The following STT3A variants were observed in gnomAD, a reference collection of about 807,000 sequenced individuals.
STT3A encodes the protein dolichyl-diphosphooligosaccharide--protein glycosyltransferase subunit STT3A.
STT3A carries 34 observed loss-of-function variants against 89.2 expected under a neutral mutation model. The ratio of observed to expected loss-of-function variants is 0.38; its 90% CI spans 0.29 to 0.51. The LOEUF is 0.51. STT3A is among the 20% of genes least tolerant of loss of function. STT3A has a pLI of 0.89. For missense variants in STT3A, 555 were observed against 889.5 expected, an observed-to-expected ratio of 0.62 and a Z score of 4.78; for synonymous variants, 282 against 310.3, an observed-to-expected ratio of 0.91 and a Z score of 0.96.
At chr11:125,607,074 T>G (rs372258122) in intron 8 of STT3A, among the ~76,000 whole-genome samples, 1 of 152,204 alleles carries the variant, frequency 6.6e-6, no homozygotes, top group Non-Finnish European at 1.5e-5. Flanking sequence ...GTGATCTGCA[T>G]TGAGTAGAAA....
chr11:125,610,486 A>G (rs1383314534), intron 10 of STT3A, among the ~76,000 whole-genome samples: 1 of 152,170 alleles, frequency 6.6e-6, no homozygotes, highest in African/African-American at 2.4e-5. Flanking sequence ...TAGGAGGCTG[A>G]GGTGAGAAGA....
chr11:125,604,620 T>TA (rs1251806952), intron 6 of STT3A, among the ~76,000 whole-genome samples: 2 of 152,232 alleles, frequency 1.3e-5, no homozygotes, highest in Non-Finnish European at 2.9e-5. Flanking sequence ...AACATAGTAT[T>TA]AAGTGTTAGG....
In STT3A at chr11:125,620,946, T is replaced by G; in HGVS notation, c.*136T>G. ...TGGCATCAGAATTGTCTGGAAGTTT[T>G]GTCTTGGGCAGTATGGGCTGGGCCA... is the stretch of plus-strand genomic sequence containing the variant. On this transcript the variant is annotated 3_prime_UTR_variant, in exon 18 of 18. Transcript: ENST00000392708. 1.4e-6 allele frequency: 1 copy of G among 704,666 alleles called. No individual in the cohort carries two copies. Among genetic ancestry groups the G allele is most frequent in the Non-Finnish European group, 2.3e-6 (1 of 439,632 alleles). The allele number at this position is 704,666 out of a possible 1,614,324, so 43.7% of individuals were successfully genotyped here. A position where few individuals can be genotyped will look rare whatever the true frequency, so the allele number is the denominator to read the frequency against.
intron 16 of STT3A, among the ~76,000 whole-genome samples, chr11:125,619,553 C>T (rs1210736396): frequency 3.9e-5 from 6 of 152,132 alleles, no homozygotes; most frequent in Non-Finnish European, 5.9e-5. Flanking sequence ...AGTGACTTTT[C>T]GTATCTTCTG....
intron 2 of STT3A, among the ~76,000 whole-genome samples, chr11:125,596,324 G>A (rs1411551158): frequency 2.0e-5 from 3 of 152,278 alleles, no homozygotes; most frequent in South Asian, 2.1e-4. Context: ...AACTAGTTGA[G>A]TGTGGTGGTG....
intron 11 of STT3A, 147 bp from the exon 12 acceptor site, chr11:125,612,445 C>A: frequency 1.2e-6 from 1 of 821,454 alleles, no homozygotes; most frequent in South Asian, 2.1e-5. Context: ...ACTAATACTG[C>A]AACTGTTTCA....
At position 125,602,442 on chromosome 11, in the gene STT3A, GTTT is replaced by G; in HGVS notation, c.271+27_271+29del. The G allele has an allele frequency of 1.6e-6, 2 of 1,267,878 alleles. No homozygotes were observed. Among genetic ancestry groups the G allele is most frequent in the Middle Eastern group, 2.0e-4 (1 of 4,940 alleles). The allele number at this position is 1,267,878 out of a possible 1,614,324, so 78.5% of individuals were successfully genotyped here. On this transcript the variant is annotated intron_variant, in intron 4 of 17. Coordinates refer to ENST00000392708, the MANE Select transcript of STT3A (RefSeq NM_152713.5). The stretch of plus-strand genomic sequence containing the variant: ...TTACCCAGGTGAGGAGACCAGATGT[GTTT>G]TTTTTTTTAAAAAAAAAACAGAAAT...
intron 8 of STT3A, among the ~76,000 whole-genome samples, 195 bp downstream of exon 8, chr11:125,606,660 G>A (rs1458998311): frequency 2.0e-5 from 3 of 152,180 alleles, no homozygotes; most frequent in African/African-American, 7.2e-5. Context: ...TATTTGCTCC[G>A]TGGAGTTTGA....
intron 9 of STT3A, 61 bp downstream of exon 9, chr11:125,608,350 T>C: frequency 6.6e-7 from 1 of 1,513,380 alleles, no homozygotes; most frequent in Non-Finnish European, 8.8e-7. Flanking sequence ...GTTTCGCTCT[T>C]GTTGCCCAGG....
At chr11:125,602,247 A>G (rs1318102177) in intron 3 of STT3A, 56 bp from the exon 4 acceptor site, 1 of 1,599,680 alleles carries the variant, frequency 6.3e-7, no homozygotes, top group Non-Finnish European at 8.5e-7. Flanking sequence ...TCAATGGTGT[A>G]TCCTGAGGAG....
chr11:125,618,263 G>A (rs1043005568), intron 15 of STT3A, 110 bp from the exon 16 acceptor site: 1 of 1,008,060 alleles, frequency 9.9e-7, no homozygotes, highest in Non-Finnish European at 1.4e-6. Context: ...AGAGTTAAAT[G>A]ATACCAATCC....
chr11:125,619,046 G>GTTTTGT (rs1467352687), intron 16 of STT3A, among the ~76,000 whole-genome samples: 5 of 150,344 alleles, frequency 3.3e-5, no homozygotes, highest in Admixed American at 2.6e-4. Context: ...TGTTATTTTT[G>GTTTTGT]TTTTGTTTTG....
At chr11:125,609,748 C>G in intron 10 of STT3A, 159 bp downstream of exon 10, 1 of 692,688 alleles carries the variant, frequency 1.4e-6, no homozygotes, top group South Asian at 2.9e-5. Flanking sequence ...TGAAGCTGAG[C>G]AGAAGTCAGA....
Position 125,620,869 on chromosome 11 carries a change from GATTTTTTTT to G in STT3A, c.*60_*68del. Reference sequence around the variant, plus strand: ...AGCACATCACATTTAGGACGTTGAAGATTTTTTTTTTTTTTTTTTTTTAATATGCAGTTT... The same window carrying G: ...AGCACATCACATTTAGGACGTTGAAGTTTTTTTTTTTTTAATATGCAGTTT... On this transcript the variant is annotated 3_prime_UTR_variant, in exon 18 of 18. Transcript: ENST00000392708. The G allele has an allele frequency of 3.6e-6, 3 of 841,900 alleles. No individual in the cohort carries two copies. Among genetic ancestry groups the G allele is most frequent in the Non-Finnish European group, 5.1e-6 (3 of 590,134 alleles). The allele number at this position is 841,900 out of a possible 1,614,324, so 52.2% of individuals were successfully genotyped here.
intron 3 of STT3A, 23 bp downstream of exon 3, chr11:125,597,142 G>C: frequency 8.7e-6 from 14 of 1,613,300 alleles, no homozygotes; most frequent in Non-Finnish European, 1.2e-5. Flanking sequence ...GCTTGATCTG[G>C]TATTATTTCC....
intron 7 of STT3A, 165 bp from the exon 8 acceptor site, chr11:125,606,136 T>A: frequency 2.9e-5 from 16 of 542,760 alleles, no homozygotes; most frequent in South Asian, 5.4e-5. Context: ...TTTTCCTGTT[T>A]AAAAAAAAAA....
rs2135939792 is a variant in STT3A at position 125,613,528 on chromosome 11, T to C, written c.1554+351T>C. The stretch of plus-strand genomic sequence containing the variant: ...GAATCAAGAAGAAAGATATAAATCT[T>C]GTGTAAAGTGATCACCTTATGATAA... On this transcript the variant is annotated intron_variant, in intron 13 of 17. Transcript: ENST00000392708. This position sits in a 1 kb window ranked among gnomAD's most constrained non-coding sequence, Gnocchi z 4.2. 6.6e-6 allele frequency among the ~76,000 whole-genome samples: 1 copy of C among 152,356 alleles called. No homozygotes were observed.
rs756700427 is a variant in STT3A at position 125,602,786 on chromosome 11, T to C, written c.272-17T>C. 5.6e-6 allele frequency: 9 copies of C among 1,613,986 alleles called. No homozygotes were observed. The highest frequency in any genetic ancestry group is 7.6e-6 in the Non-Finnish European group (9 of 1,179,992). On this transcript the variant is annotated splice_polypyrimidine_tract_variant and intron_variant, in intron 4 of 17. Transcript: ENST00000392708. ...TCTGGTAAGACAACCTAATGGAGTT[T>C]CTTCTTCCTGTTACAGGTTTAATGA...
At chr11:125,615,074 A>T (rs1310547916) in intron 15 of STT3A, among the ~76,000 whole-genome samples, 1 of 152,082 alleles carries the variant, frequency 6.6e-6, no homozygotes, top group East Asian at 1.9e-4. Flanking sequence ...TCAGGAGTTC[A>T]TGACCAGCCT....
Sources: allele counts gnomAD v4.1 joint callset (sites outside exome capture counted in the v4.1 genomes callset), GRCh38; gene constraint gnomAD v4.1.1; non-coding constraint Gnocchi (gnomAD v3.1); transcripts MANE v1.5; gene names NCBI Gene and HGNC (gene_info 2026-07-23, HGNC 2026-07-21).